PPP1R13B: variants seen among roughly 807,000 people sequenced by gnomAD.
PPP1R13B encodes apoptosis-stimulating of p53 protein 1.
Under a neutral mutation model 119.8 loss-of-function variants are expected in PPP1R13B, and 44 were observed. The ratio of observed to expected loss-of-function variants is 0.37; its 90% CI spans 0.29 to 0.47. The LOEUF (loss-of-function observed/expected upper bound fraction) is 0.47. PPP1R13B is among the 20% of genes least tolerant of loss of function. The pLI is 0.99. For synonymous variants in PPP1R13B, 542 were observed against 561.5 expected (o/e 0.97, Z 0.49); for missense variants, 1,227 against 1,413.5 (o/e 0.87, Z 2.12).
At chr14:103,735,349 A>AC (rs2084075989) in intron 16 of PPP1R13B, among the ~76,000 whole-genome samples, 154 bp from the exon 17 acceptor site, 1 of 152,122 alleles carries the variant, frequency 6.6e-6, no homozygotes, top group Non-Finnish European at 1.5e-5. Flanking sequence ...CTACACTGAG[A>AC]CCCACCCAGC....
intron 1 of PPP1R13B, among the ~76,000 whole-genome samples, chr14:103,838,793 T>C (rs2086835529): frequency 6.6e-6 from 1 of 152,182 alleles, no homozygotes; most frequent in Non-Finnish European, 1.5e-5. Flanking sequence ...AATGTAAAGT[T>C]ACTATTATGC....
chr14:103,759,117 C>G (rs60707289), intron 4 of PPP1R13B: 2 of 152,084 alleles, frequency 1.3e-5, no homozygotes, highest in African/African-American at 4.8e-5. Context: ...CACCACCACA[C>G]CCGGCTAATT....
intron 4 of PPP1R13B, among the ~76,000 whole-genome samples, chr14:103,767,422 A>G (rs1467883667): frequency 6.6e-6 from 1 of 152,030 alleles, no homozygotes; most frequent in African/African-American, 2.4e-5. Context: ...ATTTTCAAAT[A>G]CTTCCTTTGA....
chr14:103,741,594 C>A (rs1407751682), intron 11 of PPP1R13B, among the ~76,000 whole-genome samples, 196 bp downstream of exon 11: 1 of 152,230 alleles, frequency 6.6e-6, no homozygotes, highest in African/African-American at 2.4e-5. Flanking sequence ...TGTGAGCCAT[C>A]TGCAAAACAG....
At chr14:103,829,883 A>C (rs2086630524) in intron 1 of PPP1R13B, among the ~76,000 whole-genome samples, 1 of 151,914 alleles carries the variant, frequency 6.6e-6, no homozygotes, top group Admixed American at 6.6e-5. Flanking sequence ...GGTTCAAGCG[A>C]TTCTCCCGAG....
chr14:103,837,216 G>A (rs2086799092), intron 1 of PPP1R13B, among the ~76,000 whole-genome samples: 1 of 152,224 alleles, frequency 6.6e-6, no homozygotes, highest in East Asian at 1.9e-4. Context: ...GAGGACGTGT[G>A]TGGGTGCTGC....
chr14:103,784,362 C>T (rs538837123), intron 3 of PPP1R13B, among the ~76,000 whole-genome samples: 2 of 152,100 alleles, frequency 1.3e-5, no homozygotes, highest in South Asian at 4.2e-4. Flanking sequence ...GTGGGCAAAT[C>T]ACTTGAGGTC....
At chr14:103,814,764 T>C (rs1319427713) in intron 1 of PPP1R13B, among the ~76,000 whole-genome samples, 1 of 152,020 alleles carries the variant, frequency 6.6e-6, no homozygotes, top group Non-Finnish European at 1.5e-5. Context: ...GCTAACACAG[T>C]GAAACCCTGT....
chr14:103,835,746 T>C (rs1203140205), intron 1 of PPP1R13B, among the ~76,000 whole-genome samples: 5 of 151,626 alleles, frequency 3.3e-5, no homozygotes, highest in Non-Finnish European at 5.9e-5. Flanking sequence ...GTAGCTGGGA[T>C]TACAGGCGCC....
intron 8 of PPP1R13B, among the ~76,000 whole-genome samples, chr14:103,749,249 G>A (rs2084476637): frequency 6.6e-6 from 1 of 151,954 alleles, no homozygotes; most frequent in Non-Finnish European, 1.5e-5. Flanking sequence ...CTTTTTCAAT[G>A]AGTATTTACT....
Position 103,738,834 on chromosome 14 carries a change from C to A in PPP1R13B, c.2731-22G>T, listed in dbSNP as rs376827512. ...CCACCTAGGACACACGGCCTGTGAG[C>A]GCCCATCCCCTCGCCCCCAGCAGCG... is the stretch of plus-strand genomic sequence containing the variant. On this transcript the variant is annotated intron_variant, in intron 13 of 16. Coordinates refer to ENST00000202556, the MANE Select transcript of PPP1R13B (RefSeq NM_015316.3). This position sits in a 1 kb window ranked among gnomAD's most constrained non-coding sequence, Gnocchi z 5.6. 1.2e-6 allele frequency: 2 copies of A among 1,613,630 alleles called. No homozygotes were observed. The highest frequency in any genetic ancestry group is 1.7e-6 in the Non-Finnish European group (2 of 1,179,692).
intron 2 of PPP1R13B, among the ~76,000 whole-genome samples, chr14:103,789,014 G>A (rs1048027175): frequency 6.6e-6 from 1 of 152,076 alleles, no homozygotes; most frequent in South Asian, 2.1e-4. Context: ...TCTCCCTCCA[G>A]AAACATCTTC....
chr14:103,781,947 C>A, intron 3 of PPP1R13B, among the ~76,000 whole-genome samples: 1 of 152,166 alleles, frequency 6.6e-6, no homozygotes, highest in East Asian at 1.9e-4. Context: ...CCACCGCGCC[C>A]GGCCAAAGGT....
At chr14:103,818,457 C>A in intron 1 of PPP1R13B, 1 of 965,998 alleles carries the variant, frequency 1.0e-6, no homozygotes, top group Non-Finnish European at 1.2e-6. Flanking sequence ...GACTGAATTT[C>A]TCAATGTTAA....
intron 4 of PPP1R13B, among the ~76,000 whole-genome samples, chr14:103,775,677 G>A (rs547824350): frequency 6.6e-6 from 1 of 152,302 alleles, no homozygotes; most frequent in Non-Finnish European, 1.5e-5. Context: ...AGCTTGGCAT[G>A]GCAACATAGT....
intron 4 of PPP1R13B, among the ~76,000 whole-genome samples, chr14:103,777,829 CTG>C (rs957039678): frequency 6.6e-6 from 1 of 150,450 alleles, no homozygotes; most frequent in Non-Finnish European, 1.5e-5. Context: ...GGGTCTTACT[CTG>C]TTGACAAGGC....
chr14:103,746,246 C>A, intron 9 of PPP1R13B, 127 bp downstream of exon 9: 1 of 1,019,512 alleles, frequency 9.8e-7, no homozygotes, highest in Non-Finnish European at 1.4e-6. Context: ...CACGGGGAGA[C>A]TGAGCCTGGA....
intron 4 of PPP1R13B, 55 bp downstream of exon 4, chr14:103,778,690 C>A (rs943688733): frequency 1.0e-5 from 14 of 1,397,776 alleles, no homozygotes; most frequent in African/African-American, 1.4e-5. Flanking sequence ...ACAGGTGTAA[C>A]CCACTGCACC....
chr14:103,743,684 C>T (rs2084316391), intron 9 of PPP1R13B, among the ~76,000 whole-genome samples: 1 of 152,238 alleles, frequency 6.6e-6, no homozygotes, highest in Non-Finnish European at 1.5e-5. Flanking sequence ...CAGCACATCC[C>T]CTTCCCTTAT....
Sources: gnomAD v4.1 joint callset for allele counts (sites outside exome capture counted in the v4.1 genomes callset) on GRCh38, gnomAD v4.1.1 for gene constraint, Gnocchi (gnomAD v3.1) non-coding constraint, MANE v1.5 for transcripts, NCBI Gene and HGNC (gene_info 2026-07-23, HGNC 2026-07-21) for gene names.